Variants in RINT1 observed in about 807,000 individuals in gnomAD.
RINT1 encodes the protein RAD50-interacting protein 1.
In RINT1, 75 loss-of-function variants were observed where a neutral mutation model predicts 97.7. The observed-to-expected ratio is 0.77, with a 90% CI of 0.64 to 0.93. The LOEUF is 0.93. Ranked by LOEUF, RINT1 falls within the 40% of genes least tolerant of loss-of-function variation. The probability of loss-of-function intolerance (pLI) is 0.00; values close to 1 mark genes in which losing one functional copy is unlikely to be tolerated. For missense variants in RINT1, 892 were observed against 925.2 expected (o/e 0.96, Z 0.47); for synonymous variants, 303 against 326.3 (o/e 0.93, Z 0.77).
chr7:105,562,793 C>T (rs12113508), intron 11 of RINT1, among the ~76,000 whole-genome samples: 1 of 152,040 alleles, frequency 6.6e-6, no homozygotes, highest in African/African-American at 2.4e-5. Flanking sequence ...ATCCCAGGTA[C>T]TTAGGAGACT....
rs1791827115 is a variant in RINT1 at position 105,567,662 on chromosome 7, A to T, written c.*351A>T. 7 of 519,588 alleles carry T rather than the reference A, an allele frequency of 1.3e-5. No homozygotes were observed. The highest frequency in any genetic ancestry group is 3.0e-5 in the East Asian group (1 of 33,026). 32.2% of individuals were successfully genotyped at this position (519,588 alleles called of 1,614,324 possible). ...GTGGATAATCAAACATAGCCAATAA[A>T]TTTTTTTAAAACTCCCTTTGAATGC... is the stretch of plus-strand genomic sequence containing the variant. On this transcript the variant is annotated 3_prime_UTR_variant, in exon 15 of 15. Coordinates refer to ENST00000257700, the MANE Select transcript of RINT1 (RefSeq NM_021930.6).
At chr7:105,553,511 G>A (rs896814774) in intron 10 of RINT1, among the ~76,000 whole-genome samples, 1 of 151,212 alleles carries the variant, frequency 6.6e-6, no homozygotes, top group African/African-American at 2.4e-5. Flanking sequence ...ACGAGGTCAG[G>A]AGATCGAGAC....
chr7:105,555,552 C>T (rs968282026), intron 11 of RINT1, among the ~76,000 whole-genome samples: 2 of 152,118 alleles, frequency 1.3e-5, no homozygotes, highest in Admixed American at 1.3e-4. Flanking sequence ...ATAATGATGT[C>T]AAAAGCAATC....
intron 2 of RINT1, among the ~76,000 whole-genome samples, chr7:105,535,920 G>T (rs927820827): frequency 1.3e-5 from 2 of 152,114 alleles, no homozygotes; most frequent in African/African-American, 4.8e-5. Flanking sequence ...TTTTGAAAAG[G>T]TATTATTCCT....
At chr7:105,545,268 T>C (rs527673823) in intron 4 of RINT1, among the ~76,000 whole-genome samples, 31 of 150,962 alleles carry the variant, frequency 2.1e-4, no homozygotes, top group African/African-American at 7.3e-4. Context: ...CTGGGCAACA[T>C]GGCAAAACCC....
chr7:105,544,275 T>C (rs1790573039), intron 4 of RINT1, among the ~76,000 whole-genome samples: 1 of 152,106 alleles, frequency 6.6e-6, no homozygotes, highest in Admixed American at 6.6e-5. Flanking sequence ...GAAATATCAG[T>C]AAGGGGCAAT....
rs1790061630 is a variant in RINT1, at chr7:105,532,249, T to G, written c.-67T>G. ...CGAGGCTGGGTAGTGAGTGTGTCGCTGGCCTTAGCCAGACTCCACAGGCCA... is the reference window on the plus strand; with the variant it reads ...CGAGGCTGGGTAGTGAGTGTGTCGCGGGCCTTAGCCAGACTCCACAGGCCA... On this transcript the variant is annotated 5_prime_UTR_variant, in exon 1 of 15. Transcript: ENST00000257700. 1 of 1,520,844 alleles carries G rather than the reference T, an allele frequency of 6.6e-7. No homozygotes were observed. The highest frequency in any genetic ancestry group is 8.8e-7 in the Non-Finnish European group (1 of 1,131,326). The allele number at this position is 1,520,844 out of a possible 1,614,324, so 94.2% of individuals were successfully genotyped here.
At chr7:105,548,846 G>A in intron 7 of RINT1, 136 bp downstream of exon 7, 3 of 745,086 alleles carry the variant, frequency 4.0e-6, no homozygotes, top group Non-Finnish European at 6.5e-6. Flanking sequence ...TTCCTGTTTT[G>A]TTACTGCTGT....
Position 105,532,503 on chromosome 7 carries a change from C to A in RINT1, c.42+146C>A, listed in dbSNP as rs944035121. ...GCTTAGATTAGAGGCCCTTGTAAGA[C>A]CTCCTAGAGGAGGCGGTAGTCCCCG... On this transcript the variant is annotated intron_variant, in intron 1 of 14. Coordinates refer to ENST00000257700, the MANE Select transcript of RINT1 (RefSeq NM_021930.6). 13 of 924,002 alleles carry A rather than the reference C, an allele frequency of 1.4e-5. No homozygotes were observed. In the Admixed American group the frequency reaches 3.2e-4, roughly 23 times the overall value. The allele number at this position is 924,002 out of a possible 1,614,324, so 57.2% of individuals were successfully genotyped here. A position where few individuals can be genotyped will look rare whatever the true frequency, so the allele number is the denominator to read the frequency against.
Position 105,553,633 on chromosome 7 carries a change from G to C in RINT1, c.1472-1395G>C, listed in dbSNP as rs577570393. 6.1e-5 allele frequency among the ~76,000 whole-genome samples: 9 copies of C among 147,204 alleles called. No individual in the cohort carries two copies. The East Asian group carries it at 1.7e-3, about 28-fold the overall frequency. On this transcript the variant is annotated intron_variant, in intron 10 of 14. Transcript: ENST00000257700. ...GTTTCATATTGCCCAGACTGGTCTC[G>C]AACTCCTGACCTCAGGTGATCCACC...
At chr7:105,551,319 C>T (rs533138771) in intron 9 of RINT1, among the ~76,000 whole-genome samples, 124 of 152,302 alleles carry the variant, frequency 8.1e-4, no homozygotes, top group African/African-American at 2.9e-3. Flanking sequence ...TGGTGTGAGC[C>T]ACCGTGCCTG....
Position 105,554,676 on chromosome 7 carries a change from T to C in RINT1, c.1472-352T>C, listed in dbSNP as rs183370658. 9.6e-4 allele frequency among the ~76,000 whole-genome samples: 146 copies of C among 151,476 alleles called. 1 individual carries two copies. Among genetic ancestry groups the C allele is most frequent in the African/African-American group, 3.3e-3 (135 of 41,322 alleles). On this transcript the variant is annotated intron_variant, in intron 10 of 14. Coordinates refer to ENST00000257700, the MANE Select transcript of RINT1 (RefSeq NM_021930.6). Reference sequence around the variant, plus strand: ...GCTAGTCTTGAACTCCTGACCTCAGTTGATCCACCTGCCTTGGCCTCACAA... The same window carrying C: ...GCTAGTCTTGAACTCCTGACCTCAGCTGATCCACCTGCCTTGGCCTCACAA...
At chr7:105,539,504 G>T (rs1790375183) in intron 3 of RINT1, among the ~76,000 whole-genome samples, 1 of 152,100 alleles carries the variant, frequency 6.6e-6, no homozygotes, top group Non-Finnish European at 1.5e-5. Context: ...GGGATTATAG[G>T]CATGTGCCAC....
chr7:105,564,646 G>A (rs1013276810), intron 12 of RINT1, among the ~76,000 whole-genome samples: 15 of 152,082 alleles, frequency 9.9e-5, no homozygotes, highest in African/African-American at 1.9e-4. Context: ...CTTAAAATTC[G>A]TTTATTAGTC....
intron 3 of RINT1, among the ~76,000 whole-genome samples, chr7:105,538,388 C>T (rs1790329754): frequency 6.6e-6 from 1 of 152,180 alleles, no homozygotes; most frequent in Non-Finnish European, 1.5e-5. Context: ...TCTCCTGTCC[C>T]CATTACCTTA....
chr7:105,535,547 G>T lies in RINT1; in HGVS notation c.89-1018G>T, dbSNP rs773676510. 2.3e-4 allele frequency: 100 copies of T among 426,590 alleles called. 1 individual carries two copies. Among genetic ancestry groups the T allele is most frequent in the South Asian group, 1.5e-3 (92 of 62,738 alleles). The allele number at this position is 426,590 out of a possible 1,614,324, so 26.4% of individuals were successfully genotyped here. A position where few individuals can be genotyped will look rare whatever the true frequency, so the allele number is the denominator to read the frequency against. ...CCAGCCAAACCTTTTTTACTTTTTT[G>T]TTTGTTTGTTTGTTTGTTTTTAAGA... On this transcript the variant is annotated intron_variant, in intron 2 of 14. Transcript: ENST00000257700.
rs775644844 is a variant in RINT1, at chr7:105,542,417, A to G, written c.283A>G (p.Ile95Val). Residue 95 changes from isoleucine (I) to valine (V), a missense_variant, in exon 4 of 15, where the codon ATT becomes GTT. Coordinates refer to ENST00000257700, the MANE Select transcript of RINT1 (RefSeq NM_021930.6). ...TTAAAATTATGGTCAGGTACTTACA[A>G]TTTCATCAGAAATTCCTAAAAGAAT... ...KMQLEEQVLT[I>V]SSEIPKRIRS... 4.4e-6 allele frequency: 7 copies of G among 1,602,590 alleles called. 1 individual carries two copies. In the South Asian group the frequency reaches 5.5e-5, roughly 13 times the overall value.
At chr7:105,543,591 T>G (rs1355964095) in intron 4 of RINT1, among the ~76,000 whole-genome samples, 1 of 152,164 alleles carries the variant, frequency 6.6e-6, no homozygotes, top group Non-Finnish European at 1.5e-5. Flanking sequence ...AACTAGTACT[T>G]GCTGCAGAGC....
chr7:105,538,233 C>T (rs1412341059), intron 3 of RINT1, among the ~76,000 whole-genome samples: 2 of 152,122 alleles, frequency 1.3e-5, no homozygotes, highest in African/African-American at 2.4e-5. Flanking sequence ...CCTCGTGATC[C>T]GCCTGCCTTG....
Sources: allele counts gnomAD v4.1 joint callset (sites outside exome capture counted in the v4.1 genomes callset), GRCh38; gene constraint gnomAD v4.1.1; transcripts MANE v1.5; gene names NCBI Gene and HGNC (gene_info 2026-07-23, HGNC 2026-07-21).